LANCL2: variants seen among roughly 807,000 people sequenced by gnomAD.
LANCL2 encodes lanC-like protein 2.
LANCL2 carries 33 observed loss-of-function variants against 56.9 expected under a neutral mutation model. The ratio of observed to expected loss-of-function variants is 0.58; its 90% CI spans 0.44 to 0.78. The LOEUF (loss-of-function observed/expected upper bound fraction) is 0.78. LANCL2 is among the 30% of genes least tolerant of loss of function. The pLI, the probability that LANCL2 is intolerant of heterozygous loss-of-function variation, is 0.00. For synonymous variants in LANCL2, 233 were observed against 228.2 expected, an observed-to-expected ratio of 1.02 and a Z score of -0.19; for missense variants, 562 against 580.2, an observed-to-expected ratio of 0.97 and a Z score of 0.32.
In LANCL2 at chr7:55,402,687, C is replaced by T; in HGVS notation, c.825+1367C>T. On this transcript the variant is annotated intron_variant, in intron 5 of 8. Transcript: ENST00000254770. ...CCTCCCTTCCGGACGGGGCGGCTGGCCGGGCGGGGGGCTGACCCCCACCTC... is the reference window on the plus strand; with the variant it reads ...CCTCCCTTCCGGACGGGGCGGCTGGTCGGGCGGGGGGCTGACCCCCACCTC... Among the ~76,000 whole-genome samples, 2 of 111,792 alleles carry T rather than the reference C, an allele frequency of 1.8e-5. 1 individual carries two copies. The highest frequency in any genetic ancestry group is 4.0e-5 in the Non-Finnish European group (2 of 49,644). 73.3% of individuals were successfully genotyped at this position (111,792 alleles called of 152,430 possible). A position where few individuals can be genotyped will look rare whatever the true frequency, so the allele number is the denominator to read the frequency against.
intron 5 of LANCL2, among the ~76,000 whole-genome samples, chr7:55,402,570 T>C (rs1344932022): frequency 3.4e-5 from 3 of 88,506 alleles, no homozygotes; most frequent in African/African-American, 4.8e-5. Context: ...CCCCACATCC[T>C]TCCCGGACGG....
intron 6 of LANCL2, among the ~76,000 whole-genome samples, chr7:55,423,985 C>T (rs1031382633): frequency 6.6e-6 from 1 of 152,178 alleles, no homozygotes; most frequent in Non-Finnish European, 1.5e-5. Flanking sequence ...TCATGCCCTG[C>T]CCCCCAACCT....
At chr7:55,372,837 A>T (rs1227873031) in intron 1 of LANCL2, among the ~76,000 whole-genome samples, 2 of 152,174 alleles carry the variant, frequency 1.3e-5, no homozygotes, top group African/African-American at 4.8e-5. Context: ...ATATGGTTAG[A>T]TGTACAATAT....
At chr7:55,382,262 T>C (rs2128991892) in intron 1 of LANCL2, among the ~76,000 whole-genome samples, 1 of 152,172 alleles carries the variant, frequency 6.6e-6, no homozygotes. Context: ...TTTCAATTCA[T>C]GAAAAATGAG....
chr7:55,417,752 C>G (rs1331247952), intron 6 of LANCL2, among the ~76,000 whole-genome samples: 1 of 151,978 alleles, frequency 6.6e-6, no homozygotes, highest in East Asian at 1.9e-4. Context: ...GATCTTGGCT[C>G]ACTGCAACCT....
At chr7:55,404,991 T>C (rs995942770) in intron 5 of LANCL2, among the ~76,000 whole-genome samples, 8 of 152,198 alleles carry the variant, frequency 5.3e-5, no homozygotes, top group African/African-American at 1.9e-4. Context: ...CAGTTAGATT[T>C]TGTGTATGTG....
chr7:55,407,378 T>C (rs1267577338), intron 5 of LANCL2, among the ~76,000 whole-genome samples: 1 of 152,152 alleles, frequency 6.6e-6, no homozygotes, highest in Non-Finnish European at 1.5e-5. Context: ...GGGCTTGAAG[T>C]CACTTTTCCG....
intron 1 of LANCL2, among the ~76,000 whole-genome samples, chr7:55,374,197 A>G (rs1789975810): frequency 1.4e-5 from 2 of 138,104 alleles, no homozygotes; most frequent in Non-Finnish European, 1.5e-5. Flanking sequence ...TCTTTATTGC[A>G]ATTGTAAACT....
chr7:55,391,014 C>CTTT (rs576740411), intron 1 of LANCL2, among the ~76,000 whole-genome samples: 50 of 113,728 alleles, frequency 4.4e-4, no homozygotes, highest in African/African-American at 1.4e-3. Context: ...AGTGATTGAA[C>CTTT]TTTTTTTTTT....
At chr7:55,402,785 T>G (rs28696369) in intron 5 of LANCL2, among the ~76,000 whole-genome samples, 6 of 99,550 alleles carry the variant, frequency 6.0e-5, no homozygotes, top group African/African-American at 1.8e-4. Context: ...GGGCGGAGGG[T>G]CTCCTCACTT....
At chr7:55,386,133 T>C (rs1340821567) in intron 1 of LANCL2, among the ~76,000 whole-genome samples, 5 of 152,190 alleles carry the variant, frequency 3.3e-5, no homozygotes, top group African/African-American at 1.2e-4. Context: ...ACACATGCTG[T>C]ACAATTTGTG....
At chr7:55,382,119 TA>T (rs1398212938) in intron 1 of LANCL2, among the ~76,000 whole-genome samples, 1 of 152,148 alleles carries the variant, frequency 6.6e-6, no homozygotes, top group African/African-American at 2.4e-5. Flanking sequence ...CTTTTCTACA[TA>T]AAAGACACAT....
rs1340017067 is a variant in LANCL2 at position 55,401,286 on chromosome 7, A to G, written c.791A>G (p.His264Arg). Reference protein sequence around the residue: ...WHRKQYVGAAHGMAGIYYMLM... With the variant: ...WHRKQYVGAARGMAGIYYMLM... ...CGGAAGCAGTACGTTGGAGCAGCCC[A>G]TGGCATGGCTGGAATTTACTATATG... Residue 264 changes from histidine (H) to arginine (R), a missense_variant, in exon 5 of 9, where the codon CAT becomes CGT. His to Arg is a conservative substitution (Grantham distance 29). Transcript: ENST00000254770. 6.2e-7 allele frequency: 1 copy of G among 1,614,148 alleles called. No homozygotes were observed. The highest frequency in any genetic ancestry group is 1.7e-5 in the Admixed American group (1 of 60,028).
intron 2 of LANCL2, among the ~76,000 whole-genome samples, chr7:55,392,531 T>TGTAAAGACGGA (rs1415131058): frequency 7.5e-6 from 1 of 134,136 alleles, no homozygotes; most frequent in Non-Finnish European, 1.6e-5. Flanking sequence ...TTTGATTTTT[T>TGTAAAGACGGA]GTAAAGACGG....
At position 55,374,514 on chromosome 7, in the gene LANCL2, C is replaced by G. The variant is rs555560881; in HGVS notation, c.204+8285C>G. The stretch of plus-strand genomic sequence containing the variant: ...TGAAGGTAGATGTTTTCACTACCAT[C>G]TAATTCTTTACTGTCAGAAGATATA... On this transcript the variant is annotated intron_variant, in intron 1 of 8. Coordinates refer to ENST00000254770, the MANE Select transcript of LANCL2 (RefSeq NM_018697.4). 2.0e-5 allele frequency among the ~76,000 whole-genome samples: 3 copies of G among 152,320 alleles called. No homozygotes were observed. In the South Asian group the frequency reaches 6.2e-4, roughly 32 times the overall value.
chr7:55,373,712 C>A (rs1322452529), intron 1 of LANCL2, among the ~76,000 whole-genome samples: 2 of 152,032 alleles, frequency 1.3e-5, no homozygotes, highest in Non-Finnish European at 2.9e-5. Context: ...TTATGAGAGG[C>A]ATTTTTTGCA....
chr7:55,425,290 G>T lies in LANCL2; in HGVS notation c.1045G>T (p.Glu349Ter), dbSNP rs1790652543. Residue 349 changes from glutamate to a stop codon, truncating the protein, a stop_gained, in exon 7 of 9, where the codon GAG becomes TAG. Transcript: ENST00000254770. LOFTEE classifies it high-confidence loss of function. ...KEEKYLKEAM[E>*]CSDVIWQRGL... ...GGAGAAGTACTTGAAAGAGGCCATG[G>T]AGTGTAGCGATGTGATTTGGCAGCG... 6.2e-7 allele frequency: 1 copy of T among 1,614,206 alleles called. No homozygotes were observed. Among genetic ancestry groups the T allele is most frequent in the Admixed American group, 1.7e-5 (1 of 60,028 alleles).
In LANCL2 at chr7:55,425,396, C is replaced by A. The variant is rs372080148; in HGVS notation, c.1151C>A (p.Thr384Lys). The A allele has an allele frequency of 1.2e-6, 2 of 1,614,026 alleles. No homozygotes were observed. Among genetic ancestry groups the A allele is most frequent in the Non-Finnish European group, 1.7e-6 (2 of 1,180,030 alleles). ...GYSFLSLYRL[T>K]QDKKYLYRAC... Reference sequence around the variant, plus strand: ...TCCTTCCTGTCCCTTTACCGTCTCACGCAGGATAAGAAGTACCTCTACCGA... The same window carrying A: ...TCCTTCCTGTCCCTTTACCGTCTCAAGCAGGATAAGAAGTACCTCTACCGA... The change falls in exon 7 of 9, where the codon ACG (threonine) becomes AAG (lysine). Residue 384 changes from threonine (T) to lysine (K), a missense_variant. Thr to Lys is a moderately conservative substitution (Grantham distance 78, BLOSUM62 -1). This residue lies in a region of LANCL2 where 378 missense variants were observed against 468.4 expected (regional missense o/e 0.81). Transcript: ENST00000254770.
At chr7:55,412,172 C>A in intron 6 of LANCL2, 83 bp downstream of exon 6, 2 of 1,278,292 alleles carry the variant, frequency 1.6e-6, no homozygotes, top group African/African-American at 1.5e-5. Context: ...TTTGGTAAGG[C>A]CATTTGACTG....
Sources: allele counts gnomAD v4.1 joint callset (sites outside exome capture counted in the v4.1 genomes callset), GRCh38; gene constraint gnomAD v4.1.1; regional missense constraint gnomAD v4.1.1; transcripts MANE v1.5; gene names NCBI Gene and HGNC (gene_info 2026-07-23, HGNC 2026-07-21).